The following MOCOS variants were observed in gnomAD, a reference collection of about 807,000 sequenced individuals.
The protein encoded by MOCOS is human molybdenum cofactor sulfurase.
A neutral mutation model predicts 83.6 loss-of-function variants in MOCOS; 86 were observed. The observed-to-expected ratio is 1.03, with a 90% CI of 0.86 to 1.23. MOCOS has a LOEUF of 1.23. MOCOS is among the 50% of genes most tolerant of loss of function. The probability of loss-of-function intolerance (pLI) is 0.00; values close to 1 mark genes in which losing one functional copy is unlikely to be tolerated. For missense variants in MOCOS, 1,120 were observed against 1,126.9 expected (o/e 0.99, Z 0.09); for synonymous variants, 445 against 434.7 (o/e 1.02, Z -0.29).
Position 36,222,595 on chromosome 18 carries a change from T to A in MOCOS, c.1960+2378T>A, listed in dbSNP as rs199817512. ...AGGTCTTGAACCCATTTTTTTTTTT[T>A]AATTTTTTAATTTTTTTTTTTTTAG... is the stretch of plus-strand genomic sequence containing the variant. On this transcript the variant is annotated intron_variant, in intron 9 of 14. Coordinates refer to ENST00000261326, the MANE Select transcript of MOCOS (RefSeq NM_017947.4). Among the ~76,000 whole-genome samples, 971 of 143,018 alleles carry A rather than the reference T, an allele frequency of 6.8e-3. 5 individuals carry two copies. Among genetic ancestry groups the A allele is most frequent in the African/African-American group, 0.02 (788 of 38,624 alleles). The allele number at this position is 143,018 out of a possible 152,430, so 93.8% of individuals were successfully genotyped here.
At chr18:36,262,231 G>A (rs75006786) in intron 13 of MOCOS, among the ~76,000 whole-genome samples, 1,324 of 26,440 alleles carry the variant, frequency 0.05, 17 homozygotes, top group African/African-American at 0.14. Flanking sequence ...GGGCAGCATA[G>A]CAAGACTTCG....
intron 13 of MOCOS, among the ~76,000 whole-genome samples, chr18:36,262,250 T>TCTACACACACACACACACACACACACAC (rs368893410): frequency 7.0e-5 from 9 of 127,824 alleles, no homozygotes; most frequent in Admixed American, 2.4e-4. Context: ...CGTCTCTCTC[T>TCTACACACACACACACACACACACACAC]ACACACACAC....
intron 9 of MOCOS, among the ~76,000 whole-genome samples, chr18:36,244,423 G>C (rs959579605): frequency 3.3e-5 from 5 of 152,060 alleles, no homozygotes; most frequent in African/African-American, 1.2e-4. Context: ...CCATGTCTTT[G>C]TATAGTTTCG....
chr18:36,251,096 T>C, intron 10 of MOCOS, 63 bp from the exon 11 acceptor site: 1 of 1,557,578 alleles, frequency 6.4e-7, no homozygotes, highest in Admixed American at 1.7e-5. Flanking sequence ...CTTTTTGCAA[T>C]TCAGATTATT....
chr18:36,224,056 GTCT>G (rs1251830753), intron 9 of MOCOS, among the ~76,000 whole-genome samples: 1 of 152,086 alleles, frequency 6.6e-6, no homozygotes, highest in African/African-American at 2.4e-5. Flanking sequence ...AGTGGGATTG[GTCT>G]TCTTATTTCC....
At chr18:36,220,273 AT>A (rs2091491213) in intron 9 of MOCOS, 56 bp downstream of exon 9, 1 of 1,599,470 alleles carries the variant, frequency 6.3e-7, no homozygotes, top group African/African-American at 1.3e-5. Context: ...TTTTATATTC[AT>A]ATGAAATACT....
chr18:36,246,930 T>C lies in MOCOS; in HGVS notation c.1961-1992T>C, dbSNP rs76123344. Among the ~76,000 whole-genome samples the C allele has an allele frequency of 7.0e-3, 1,071 of 152,114 alleles. 10 individuals are homozygous for C. Among genetic ancestry groups the C allele is most frequent in the African/African-American group, 0.024 (1,010 of 41,486 alleles). On this transcript the variant is annotated intron_variant, in intron 9 of 14. Coordinates refer to ENST00000261326, the MANE Select transcript of MOCOS (RefSeq NM_017947.4). ...GGGCCATAGAGCTCCCAAGAGACCA[T>C]GTCATTTGTCTTTGGCTATCAGGGC... is the stretch of plus-strand genomic sequence containing the variant.
chr18:36,260,849 C>A (rs913945571), intron 13 of MOCOS, among the ~76,000 whole-genome samples: 36 of 151,852 alleles, frequency 2.4e-4, no homozygotes, highest in Admixed American at 3.3e-4. Context: ...GTCACAGTGA[C>A]CTTCTCTCTG....
At chr18:36,254,585 ATG>A (rs201187835) in intron 11 of MOCOS, among the ~76,000 whole-genome samples, 4 of 150,408 alleles carry the variant, frequency 2.7e-5, no homozygotes, top group Non-Finnish European at 4.4e-5. Flanking sequence ...TTTCATATAT[ATG>A]TGTGTGTGTA....
At chr18:36,210,773 C>T (rs2091451753) in intron 6 of MOCOS, among the ~76,000 whole-genome samples, 1 of 141,228 alleles carries the variant, frequency 7.1e-6, no homozygotes, top group South Asian at 2.3e-4. Context: ...ATCACTTGAA[C>T]CCGAGAGGTG....
chr18:36,193,756 T>A (rs1489612450), intron 1 of MOCOS, among the ~76,000 whole-genome samples: 2 of 152,116 alleles, frequency 1.3e-5, no homozygotes, highest in African/African-American at 4.8e-5. Flanking sequence ...TAAAAAGAAC[T>A]TGTATGTTTC....
At chr18:36,241,664 A>T (rs1040053356) in intron 9 of MOCOS, among the ~76,000 whole-genome samples, 1 of 152,196 alleles carries the variant, frequency 6.6e-6, no homozygotes, top group Non-Finnish European at 1.5e-5. Context: ...CACATTACCC[A>T]TCTGTGCTGC....
At chr18:36,243,198 A>G (rs1157175933) in intron 9 of MOCOS, among the ~76,000 whole-genome samples, 2 of 152,264 alleles carry the variant, frequency 1.3e-5, no homozygotes, top group East Asian at 3.9e-4. Flanking sequence ...TTTTTTAGGT[A>G]TACAGTTATA....
At chr18:36,243,696 G>C (rs1375325974) in intron 9 of MOCOS, among the ~76,000 whole-genome samples, 1 of 152,144 alleles carries the variant, frequency 6.6e-6, no homozygotes. Context: ...ATTGGTACCA[G>C]TTCTTCTTTG....
intron 9 of MOCOS, among the ~76,000 whole-genome samples, chr18:36,240,182 C>G (rs866840092): frequency 4.2e-4 from 58 of 139,080 alleles, no homozygotes; most frequent in Admixed American, 5.2e-4. Flanking sequence ...TGGTGAGGAG[C>G]TGCGTTCCTT....
At chr18:36,193,139 G>A (rs1385594592) in intron 1 of MOCOS, among the ~76,000 whole-genome samples, 1 of 148,180 alleles carries the variant, frequency 6.7e-6, no homozygotes, top group Non-Finnish European at 1.5e-5. Context: ...GCGAAACCCC[G>A]TCTCTACTAA....
rs373544603 is a variant in MOCOS at position 36,188,705 on chromosome 18, G to A, written c.142+1024G>A. Among the ~76,000 whole-genome samples the A allele has an allele frequency of 1.4e-3, 218 of 151,828 alleles. 2 individuals carry two copies. Among genetic ancestry groups the A allele is most frequent in the African/African-American group, 4.9e-3 (204 of 41,522 alleles). On this transcript the variant is annotated intron_variant, in intron 1 of 14. Coordinates refer to ENST00000261326, the MANE Select transcript of MOCOS (RefSeq NM_017947.4). ...CTCGGGTAGCTGATTTCAGCGCTTCGGGTCACTTCCTGGTGTTGTGGAGGG... is the reference window on the plus strand; with the variant it reads ...CTCGGGTAGCTGATTTCAGCGCTTCAGGTCACTTCCTGGTGTTGTGGAGGG...
chr18:36,202,672 T>C (rs57359136), intron 4 of MOCOS, among the ~76,000 whole-genome samples: 8,562 of 152,278 alleles, frequency 0.056, 279 homozygotes, highest in East Asian at 0.099. Context: ...CACACTGTTA[T>C]AAAGATACTA....
At chr18:36,212,396 C>T (rs910785679) in intron 6 of MOCOS, among the ~76,000 whole-genome samples, 2 of 150,434 alleles carry the variant, frequency 1.3e-5, no homozygotes, top group Non-Finnish European at 3.0e-5. Context: ...GGACGGGGGT[C>T]GGGGGTCTCC....
Sources: gnomAD v4.1 joint callset for allele counts (sites outside exome capture counted in the v4.1 genomes callset) on GRCh38, gnomAD v4.1.1 for gene constraint, MANE v1.5 for transcripts, NCBI Gene and HGNC (gene_info 2026-07-23, HGNC 2026-07-21) for gene names.